The following GLRA3 variants were observed in gnomAD, a reference collection of about 807,000 sequenced individuals.
The protein encoded by GLRA3 is glycine receptor alpha 3, also known as glycine receptor subunit alpha-3.
Under a neutral mutation model 60.4 loss-of-function variants are expected in GLRA3, and 44 were observed. The observed-to-expected ratio is 0.73, with a 90% CI of 0.57 to 0.94. The LOEUF (loss-of-function observed/expected upper bound fraction) is 0.94. GLRA3 is among the 40% of genes least tolerant of loss of function. The pLI is 0.00. For synonymous variants in GLRA3, 223 were observed against 192.9 expected (o/e 1.16, Z -1.29); for missense variants, 508 against 564.6 (o/e 0.90, Z 1.02).
At chr4:174,799,819 A>G (rs1421064661) in intron 1 of GLRA3, among the ~76,000 whole-genome samples, 1 of 152,152 alleles carries the variant, frequency 6.6e-6, no homozygotes, top group Non-Finnish European at 1.5e-5. Context: ...TCTGATTCAT[A>G]TGTACAACAC....
In GLRA3 at chr4:174,728,563, T is replaced by C; in HGVS notation, c.403A>G (p.Asn135Asp). The C allele has an allele frequency of 6.2e-7, 1 of 1,613,512 alleles. No individual in the cohort carries two copies. Among genetic ancestry groups the C allele is most frequent in the Non-Finnish European group, 8.5e-7 (1 of 1,179,436 alleles). ...TCATGAAAGTTGGCACCCTTTTCATTGGCAAAGAACAAATCAGGTTTCCAA... is the reference window on the plus strand; with the variant it reads ...TCATGAAAGTTGGCACCCTTTTCATCGGCAAAGAACAAATCAGGTTTCCAA... ...SIWKPDLFFA[N>D]EKGANFHEVT... is the part of the protein sequence containing the mutation. The change falls in exon 4 of 10, where the codon AAT (asparagine) becomes GAT (aspartate). Residue 135 changes from asparagine (N) to aspartate (D), a missense_variant. By Grantham distance (23) the Asn-to-Asp change is conservative (BLOSUM62 1). Transcript: ENST00000274093.
At chr4:174,806,243 G>A (rs929057824) in intron 1 of GLRA3, among the ~76,000 whole-genome samples, 6 of 152,008 alleles carry the variant, frequency 3.9e-5, no homozygotes, top group East Asian at 1.9e-4. Flanking sequence ...CGCTGCATGC[G>A]TAAGACTTTC....
At chr4:174,774,786 A>G (rs1008686644) in intron 2 of GLRA3, among the ~76,000 whole-genome samples, 4 of 152,204 alleles carry the variant, frequency 2.6e-5, no homozygotes, top group African/African-American at 9.6e-5. Context: ...CAGAGAGTGG[A>G]TGAAATTTGA....
At chr4:174,677,734 GA>G (rs1222258603) in intron 6 of GLRA3, among the ~76,000 whole-genome samples, 1 of 152,008 alleles carries the variant, frequency 6.6e-6, no homozygotes, top group African/African-American at 2.4e-5. Context: ...ATTGATTCTT[GA>G]AAAAATATTT....
At chr4:174,740,113 A>C (rs919143171) in intron 3 of GLRA3, among the ~76,000 whole-genome samples, 1 of 152,212 alleles carries the variant, frequency 6.6e-6, no homozygotes, top group Non-Finnish European at 1.5e-5. Context: ...ACTCGCATCT[A>C]ATTTAGTTGA....
intron 1 of GLRA3, among the ~76,000 whole-genome samples, chr4:174,821,331 T>TA (rs1472240926): frequency 6.6e-6 from 1 of 152,174 alleles, no homozygotes; most frequent in East Asian, 1.9e-4. Context: ...TTGTTTATTG[T>TA]AAAAAGCTGC....
At chr4:174,798,197 G>T (rs1239523560) in intron 1 of GLRA3, among the ~76,000 whole-genome samples, 1 of 152,150 alleles carries the variant, frequency 6.6e-6, no homozygotes, top group East Asian at 1.9e-4. Flanking sequence ...GACTCTTGGG[G>T]AACAAATCAG....
At chr4:174,663,782 A>T (rs1176585188) in intron 7 of GLRA3, among the ~76,000 whole-genome samples, 2 of 152,078 alleles carry the variant, frequency 1.3e-5, no homozygotes, top group Non-Finnish European at 2.9e-5. Context: ...CTCATGACAC[A>T]CAGCGCACTC....
chr4:174,790,472 G>T (rs1013091826), intron 1 of GLRA3, among the ~76,000 whole-genome samples: 2 of 151,928 alleles, frequency 1.3e-5, no homozygotes, highest in African/African-American at 4.8e-5. Context: ...CTATCAAGAA[G>T]CATTTGTTTA....
intron 1 of GLRA3, among the ~76,000 whole-genome samples, chr4:174,815,417 G>A (rs937674445): frequency 6.6e-6 from 1 of 152,202 alleles, no homozygotes; most frequent in African/African-American, 2.4e-5. Flanking sequence ...ACTAGGTGAT[G>A]TCTCAGTAGG....
Position 174,810,275 on chromosome 4 carries a change from C to A in GLRA3, c.71+18466G>T, listed in dbSNP as rs1740209100. On this transcript the variant is annotated intron_variant, in intron 1 of 9. Transcript: ENST00000274093. ...GAAACAAAAGATGCTGGACTAGAAA[C>A]CTCCTCAACAGAATATTCACTTCTC... Among the ~76,000 whole-genome samples, 4 of 152,196 alleles carry A rather than the reference C, an allele frequency of 2.6e-5. No individual in the cohort carries two copies. The South Asian group carries it at 8.3e-4, about 32-fold the overall frequency.
chr4:174,710,665 T>A (rs1735685990), intron 5 of GLRA3, among the ~76,000 whole-genome samples: 1 of 152,176 alleles, frequency 6.6e-6, no homozygotes, highest in South Asian at 2.1e-4. Context: ...CTGAGTTTCC[T>A]TTCCATAACT....
intron 3 of GLRA3, among the ~76,000 whole-genome samples, chr4:174,753,070 G>T (rs536820138): frequency 6.6e-6 from 1 of 152,078 alleles, no homozygotes; most frequent in South Asian, 2.1e-4. Context: ...AATTCATTTT[G>T]ATATACATAT....
chr4:174,752,796 C>A (rs1167371956), intron 3 of GLRA3, among the ~76,000 whole-genome samples: 3 of 152,168 alleles, frequency 2.0e-5, no homozygotes, highest in Non-Finnish European at 4.4e-5. Context: ...GTTATAAGCT[C>A]ATTTTTGTTA....
chr4:174,731,659 C>T (rs79947216), intron 3 of GLRA3, among the ~76,000 whole-genome samples: 61 of 152,196 alleles, frequency 4.0e-4, no homozygotes, highest in African/African-American at 1.3e-3. Context: ...ATAAATTCTA[C>T]GATGTCAGAA....
intron 5 of GLRA3, among the ~76,000 whole-genome samples, chr4:174,693,614 G>A (rs933393003): frequency 2.6e-5 from 4 of 152,120 alleles, no homozygotes; most frequent in Admixed American, 6.5e-5. Flanking sequence ...TTTTGCTTAG[G>A]ATTGCCTTGG....
At chr4:174,781,970 G>C (rs1274572547) in intron 2 of GLRA3, among the ~76,000 whole-genome samples, 30 of 151,184 alleles carry the variant, frequency 2.0e-4, no homozygotes, top group Non-Finnish European at 4.1e-4. Context: ...CATTTTATGA[G>C]GCCAGCATCA....
chr4:174,738,808 CAA>C lies in GLRA3; in HGVS notation c.268-10112_268-10111del, dbSNP rs1736897697. Among the ~76,000 whole-genome samples the C allele has an allele frequency of 3.3e-5, 5 of 152,326 alleles. No individual in the cohort carries two copies. In the South Asian group the frequency reaches 1.0e-3, roughly 32 times the overall value. ...GTGGTGTATTGTAGGACAAGAACAACAACTGAGATCTCACTGCTTTTCATTCA... is the reference window on the plus strand; with the variant it reads ...GTGGTGTATTGTAGGACAAGAACAACCTGAGATCTCACTGCTTTTCATTCA... On this transcript the variant is annotated intron_variant, in intron 3 of 9. Transcript: ENST00000274093.
Position 174,639,091 on chromosome 4 carries a change from G to A in GLRA3, c.*4695C>T, listed in dbSNP as rs2110821697. On this transcript the variant is annotated 3_prime_UTR_variant, in exon 10 of 10. Transcript: ENST00000274093. The stretch of plus-strand genomic sequence containing the variant: ...TGTCTTTTGAAAAAGGTTTTTGACA[G>A]TTATTTAGCTGTTCTTCAAAAACGG... 3 of 152,266 alleles carry A rather than the reference G, an allele frequency of 2.0e-5. No homozygotes were observed. The Middle Eastern group carries it at 0.01, about 518-fold the overall frequency. 9.4% of individuals were successfully genotyped at this position (152,266 alleles called of 1,614,324 possible).
Sources: allele counts gnomAD v4.1 joint callset (sites outside exome capture counted in the v4.1 genomes callset), GRCh38; gene constraint gnomAD v4.1.1; transcripts MANE v1.5; gene names NCBI Gene and HGNC (gene_info 2026-07-23, HGNC 2026-07-21).